The following HIVEP3 variants were observed in gnomAD, a reference collection of about 807,000 sequenced individuals.
HIVEP3 encodes the protein HIVEP zinc finger 3.
HIVEP3 carries 49 observed loss-of-function variants against 152.8 expected under a neutral mutation model. The observed-to-expected ratio is 0.32, with a 90% CI of 0.26 to 0.41. The LOEUF is 0.41. Among genes scored for constraint, HIVEP3 ranks in the 10% least tolerant of loss-of-function variants. The pLI, the probability that HIVEP3 is intolerant of heterozygous loss-of-function variation, is 1.00. For synonymous variants in HIVEP3, 1,269 were observed against 1,289.0 expected (o/e 0.98, Z 0.33); for missense variants, 2,790 against 3,103.3 (o/e 0.90, Z 2.40).
At chr1:41,519,782 C>T (rs633297) in intron 6 of HIVEP3, among the ~76,000 whole-genome samples, 2,064 of 151,968 alleles carry the variant, frequency 0.014, 39 homozygotes, top group African/African-American at 0.048. Flanking sequence ...AAGGATGGAA[C>T]GCTAGATGAG....
At chr1:41,830,896 A>T (rs1047623344) in intron 1 of HIVEP3, among the ~76,000 whole-genome samples, 1 of 152,072 alleles carries the variant, frequency 6.6e-6, no homozygotes, top group Non-Finnish European at 1.5e-5. Context: ...TCTTATCCCT[A>T]CGCGTTCGTG....
chr1:41,695,384 A>G (rs1400560946), intron 2 of HIVEP3, among the ~76,000 whole-genome samples: 1 of 152,150 alleles, frequency 6.6e-6, no homozygotes, highest in Non-Finnish European at 1.5e-5. Context: ...GCCTCAGCTT[A>G]TTTCTAAGTC....
rs756765304 is a variant in HIVEP3 at position 41,825,796 on chromosome 1, C to T, written c.-801+92617G>A. Among the ~76,000 whole-genome samples the T allele has an allele frequency of 5.3e-5, 8 of 151,768 alleles. No homozygotes were observed. In the South Asian group the frequency reaches 1.0e-3, roughly 20 times the overall value. ...TAAGTTTTGTATTTTTTTGTAGAGA[C>T]GGGGTCTCTCCATGTTGCCCAAGCT... On this transcript the variant is annotated intron_variant, in intron 1 of 8. Coordinates refer to ENST00000372583, the MANE Select transcript of HIVEP3 (RefSeq NM_024503.5).
chr1:41,717,831 C>A (rs61202574), intron 1 of HIVEP3, among the ~76,000 whole-genome samples: 1 of 152,302 alleles, frequency 6.6e-6, no homozygotes, highest in East Asian at 1.9e-4. Context: ...TGGACATTGA[C>A]TGTAGGGGAG....
intron 1 of HIVEP3, among the ~76,000 whole-genome samples, chr1:41,759,753 A>G (rs1647544912): frequency 6.6e-6 from 1 of 152,220 alleles, no homozygotes; most frequent in South Asian, 2.1e-4. Flanking sequence ...ATCTGGGTGT[A>G]GGTCAGACTG....
chr1:41,854,005 C>G (rs115673377), intron 1 of HIVEP3, among the ~76,000 whole-genome samples: 290 of 152,260 alleles, frequency 1.9e-3, no homozygotes, highest in Middle Eastern at 6.8e-3. Flanking sequence ...ACCAGAGAAG[C>G]AGAGCGAAGA....
intron 2 of HIVEP3, among the ~76,000 whole-genome samples, chr1:41,665,254 A>G (rs1431801360): frequency 1.3e-5 from 2 of 152,224 alleles, no homozygotes; most frequent in African/African-American, 2.4e-5. Flanking sequence ...CCCCACCTGC[A>G]GACCAGGCCT....
Position 41,580,394 on chromosome 1 carries a change from G to A in HIVEP3, c.4404C>T (p.Cys1468=). 2 of 1,614,192 alleles carry A rather than the reference G, an allele frequency of 1.2e-6. No individual in the cohort carries two copies. Among genetic ancestry groups the A allele is most frequent in the Non-Finnish European group, 1.7e-6 (2 of 1,180,040 alleles). The change falls in exon 4 of 9, where the codon TGC becomes TGT. Residue 1468 remains cysteine, a synonymous_variant. Coordinates refer to ENST00000372583, the MANE Select transcript of HIVEP3 (RefSeq NM_024503.5). ...CCTCGGTGCTGGTAAGGACCACACT[G>A]CATGGTTTTACCAGCTCAAGTTTTT... ...ADEKLELVKP[C]SVVLTSTEDG... is the part of the protein sequence containing the mutation.
rs897377459 is a variant in HIVEP3, at chr1:41,507,731, C to T, written c.*2720G>A. 1 of 152,438 alleles carries T rather than the reference C, an allele frequency of 6.6e-6. No homozygotes were observed. Among genetic ancestry groups the T allele is most frequent in the African/African-American group, 2.4e-5 (1 of 41,476 alleles). The allele number at this position is 152,438 out of a possible 1,614,324, so 9.4% of individuals were successfully genotyped here. A position where few individuals can be genotyped will look rare whatever the true frequency, so the allele number is the denominator to read the frequency against. ...AGGAGGGCGTGCATGGGGCGAGCGT[C>T]TTTCTCCAAATCATGAAGGTGTACC... On this transcript the variant is annotated 3_prime_UTR_variant, in exon 9 of 9. Coordinates refer to ENST00000372583, the MANE Select transcript of HIVEP3 (RefSeq NM_024503.5).
intron 1 of HIVEP3, among the ~76,000 whole-genome samples, chr1:42,016,328 A>G (rs1645522564): frequency 6.6e-6 from 1 of 152,198 alleles, no homozygotes; most frequent in African/African-American, 2.4e-5. Flanking sequence ...GGCAGTAAGG[A>G]CAGGAAAGAA....
intron 1 of HIVEP3, among the ~76,000 whole-genome samples, chr1:41,802,172 C>T (rs1350584194): frequency 6.6e-6 from 1 of 152,216 alleles, no homozygotes; most frequent in African/African-American, 2.4e-5. Flanking sequence ...AGTTAAGTAA[C>T]TTTCAGACTC....
chr1:41,793,920 A>G (rs953374768), intron 1 of HIVEP3, among the ~76,000 whole-genome samples: 1 of 152,248 alleles, frequency 6.6e-6, no homozygotes, highest in Non-Finnish European at 1.5e-5. Flanking sequence ...ATTTTTATAT[A>G]CACATCTATA....
intron 5 of HIVEP3, chr1:41,544,207 C>T (rs1643604342): frequency 1.3e-5 from 2 of 152,146 alleles, no homozygotes; most frequent in African/African-American, 2.4e-5. Flanking sequence ...ATGGGATAGA[C>T]AGCAGCAGCC....
chr1:41,881,861 T>C (rs1046609498), intron 1 of HIVEP3, among the ~76,000 whole-genome samples: 1 of 152,244 alleles, frequency 6.6e-6, no homozygotes, highest in Non-Finnish European at 1.5e-5. Flanking sequence ...AGTTTCACTG[T>C]AGTAAACTGT....
intron 1 of HIVEP3, among the ~76,000 whole-genome samples, chr1:41,951,340 A>C (rs577069674): frequency 6.6e-6 from 1 of 152,344 alleles, no homozygotes; most frequent in East Asian, 1.9e-4. Flanking sequence ...CATTTATATA[A>C]AGATTAAAAC....
chr1:41,705,341 C>T (rs1646417380), intron 1 of HIVEP3, among the ~76,000 whole-genome samples: 1 of 152,340 alleles, frequency 6.6e-6, no homozygotes, highest in East Asian at 1.9e-4. Context: ...AGGGTGTTCT[C>T]CATCCAGCAG....
Position 41,580,926 on chromosome 1 carries a change from G to A in HIVEP3, c.3872C>T (p.Ala1291Val), listed in dbSNP as rs146488803. 3.1e-6 allele frequency: 5 copies of A among 1,612,538 alleles called. No homozygotes were observed. The highest frequency in any genetic ancestry group is 1.1e-5 in the South Asian group (1 of 90,644). Reference protein sequence around the residue: ...YSSDIRLPPVAPPASSSAPTS... With the variant: ...YSSDIRLPPVVPPASSSAPTS... ...AGGTGCTGAGGAGCTGGCTGGGGGA[G>A]CCACAGGGGGTAGCCGGATGTCACT... is the stretch of plus-strand genomic sequence containing the variant. The change falls in exon 4 of 9, where the codon GCT becomes GTT. Residue 1291 changes from alanine to valine, a missense_variant. Around this residue, in one of 9 missense-constraint regions of HIVEP3, gnomAD observed 1,078 missense variants for 1,165.3 expected, o/e 0.93. Transcript: ENST00000372583.
At chr1:41,846,641 T>G (rs1032989424) in intron 1 of HIVEP3, among the ~76,000 whole-genome samples, 2 of 152,232 alleles carry the variant, frequency 1.3e-5, no homozygotes, top group African/African-American at 4.8e-5. Flanking sequence ...TTTTCCAAGT[T>G]TTCTGCCCTG....
intron 2 of HIVEP3, among the ~76,000 whole-genome samples, chr1:41,638,447 AAAG>A (rs376789800): frequency 1.3e-3 from 199 of 152,244 alleles, no homozygotes; most frequent in Admixed American, 2.4e-3. Flanking sequence ...AAGAAAGAGA[AAAG>A]AAGAGATGGA....
Sources: gnomAD v4.1 joint callset for allele counts (sites outside exome capture counted in the v4.1 genomes callset) on GRCh38, gnomAD v4.1.1 for gene constraint, gnomAD v4.1.1 regional missense constraint, MANE v1.5 for transcripts, NCBI Gene and HGNC (gene_info 2026-07-23, HGNC 2026-07-21) for gene names.